Variants in SCG3 observed in about 807,000 individuals in gnomAD.
SCG3 encodes the protein secretogranin-3.
Under a neutral mutation model 56.2 loss-of-function variants are expected in SCG3, and 38 were observed. That is an observed-to-expected ratio of 0.68 (90% CI 0.52 to 0.89). The LOEUF (loss-of-function observed/expected upper bound fraction) is 0.89. Among genes scored for constraint, SCG3 ranks in the 40% least tolerant of loss-of-function variants. The pLI is 0.00. For missense variants in SCG3, 524 were observed against 540.7 expected, an observed-to-expected ratio of 0.97 and a Z score of 0.31; for synonymous variants, 176 against 184.2, an observed-to-expected ratio of 0.96 and a Z score of 0.36.
intron 10 of SCG3, among the ~76,000 whole-genome samples, chr15:51,701,837 T>C (rs563891086): frequency 1.8e-4 from 27 of 151,896 alleles, no homozygotes; most frequent in Non-Finnish European, 3.2e-4. Context: ...GTTCAGGACG[T>C]GGAGGCTGCC....
intron 7 of SCG3, among the ~76,000 whole-genome samples, chr15:51,695,269 T>C (rs1178468149): frequency 6.6e-6 from 1 of 152,178 alleles, no homozygotes; most frequent in Admixed American, 6.5e-5. Flanking sequence ...TATTTTCAAT[T>C]AAGAAAATTA....
intron 3 of SCG3, 36 bp from the exon 4 acceptor site, chr15:51,683,183 A>G: frequency 6.2e-7 from 1 of 1,603,886 alleles, no homozygotes; most frequent in South Asian, 1.1e-5. Flanking sequence ...AATCTGAACT[A>G]AAATGGCTGT....
Position 51,699,420 on chromosome 15 carries a change from T to A in SCG3, c.1069+18T>A. The A allele has an allele frequency of 6.7e-7, 1 of 1,484,252 alleles. No homozygotes were observed. The allele number at this position is 1,484,252 out of a possible 1,614,324, so 91.9% of individuals were successfully genotyped here. A position where few individuals can be genotyped will look rare whatever the true frequency, so the allele number is the denominator to read the frequency against. ...TTTCCCAGGTATGATTATTTAACTA[T>A]TTTTTTAGCCTTTAGAATAATAACC... On this transcript the variant is annotated intron_variant, in intron 9 of 11. Coordinates refer to ENST00000220478, the MANE Select transcript of SCG3 (RefSeq NM_013243.4).
At chr15:51,690,536 T>A (rs1199547712) in intron 6 of SCG3, among the ~76,000 whole-genome samples, 6 of 151,704 alleles carry the variant, frequency 4.0e-5, no homozygotes, top group African/African-American at 1.4e-4. Flanking sequence ...TTTTTTTTTT[T>A]ACTGGATAGC....
intron 10 of SCG3, among the ~76,000 whole-genome samples, chr15:51,702,447 G>T (rs1567220403): frequency 2.0e-5 from 3 of 152,014 alleles, no homozygotes; most frequent in Admixed American, 6.6e-5. Context: ...CATAGAGATG[G>T]GGTTTCATCA....
At chr15:51,707,745 TTATGCAGAA>T (rs2055385288) in intron 10 of SCG3, among the ~76,000 whole-genome samples, 1 of 152,236 alleles carries the variant, frequency 6.6e-6, no homozygotes, top group Non-Finnish European at 1.5e-5. Flanking sequence ...AATGTCATCA[TTATGCAGAA>T]TCTTGAATCT....
At chr15:51,700,016 T>C (rs867014816) in intron 9 of SCG3, among the ~76,000 whole-genome samples, 73 of 152,304 alleles carry the variant, frequency 4.8e-4, no homozygotes, top group African/African-American at 1.7e-3. Context: ...TTTTTTAAAT[T>C]TGTTTAGCTA....
intron 8 of SCG3, among the ~76,000 whole-genome samples, chr15:51,696,744 G>T (rs937489832): frequency 5.3e-5 from 8 of 152,066 alleles, no homozygotes; most frequent in African/African-American, 1.9e-4. Context: ...GGTGCCACAC[G>T]CTTTTAAACA....
chr15:51,690,643 T>C (rs1341761565), intron 6 of SCG3, among the ~76,000 whole-genome samples: 2 of 86,110 alleles, frequency 2.3e-5, no homozygotes, highest in African/African-American at 4.9e-5. Context: ...AAAAAAGTTC[T>C]AGATTTATCA....
intron 10 of SCG3, among the ~76,000 whole-genome samples, chr15:51,709,935 A>G (rs1394921611): frequency 8.2e-6 from 1 of 122,144 alleles, no homozygotes; most frequent in Non-Finnish European, 1.6e-5. Context: ...ACGGGGTTTC[A>G]CCATGTTAGC....
Position 51,681,768 on chromosome 15 carries a change from G to C in SCG3, c.13G>C (p.Gly5Arg), listed in dbSNP as rs903703713. Residue 5 changes from glycine to arginine, a missense_variant, in exon 1 of 12, where the codon GGG becomes CGG. Physicochemically the swap from Gly to Arg is moderately radical, Grantham distance 125. Coordinates refer to ENST00000220478, the MANE Select transcript of SCG3 (RefSeq NM_013243.4). MGFL[G>R]TGTWILVLVL... ...CGAGCGTGGAAGAATGGGGTTCCTC[G>C]GGACCGGCACTTGGATTCTGGTGTT... 2 of 1,613,892 alleles carry C rather than the reference G, an allele frequency of 1.2e-6. No homozygotes were observed. Among genetic ancestry groups the C allele is most frequent in the African/African-American group, 1.3e-5 (1 of 74,916 alleles).
chr15:51,695,740 C>T, intron 7 of SCG3, 135 bp from the exon 8 acceptor site: 1 of 603,548 alleles, frequency 1.7e-6, no homozygotes, highest in South Asian at 2.0e-5. Context: ...CAGCCTGGGC[C>T]ACACAGTGAG....
Position 51,683,059 on chromosome 15 carries a change from A to T in SCG3, c.136-20A>T. ...GGAGCAATGATTTTAAACCAAGTCTATCTCCTGTTTGCTTCACAGATTGCT... is the reference window on the plus strand; with the variant it reads ...GGAGCAATGATTTTAAACCAAGTCTTTCTCCTGTTTGCTTCACAGATTGCT... On this transcript the variant is annotated intron_variant, in intron 2 of 11. Transcript: ENST00000220478. The T allele has an allele frequency of 6.2e-7, 1 of 1,600,928 alleles. No homozygotes were observed. Among genetic ancestry groups the T allele is most frequent in the Non-Finnish European group, 8.5e-7 (1 of 1,174,218 alleles).
intron 10 of SCG3, among the ~76,000 whole-genome samples, chr15:51,711,453 C>T (rs996596949): frequency 6.6e-6 from 1 of 152,192 alleles, no homozygotes; most frequent in Non-Finnish European, 1.5e-5. Flanking sequence ...GCCCTAACTA[C>T]CTAATGAGTG....
Position 51,683,105 on chromosome 15 carries a change from T to A in SCG3, c.162T>A (p.Ile54=). Reference sequence around the variant, plus strand: ...TTGCTGAAGCAGAAGAAGACAAGATTAAAAAAACATATCCTCCAGGTAAAA... The same window carrying A: ...TTGCTGAAGCAGAAGAAGACAAGATAAAAAAAACATATCCTCCAGGTAAAA... ...EQIAEAEEDK[I]KKTYPPENKP... is the part of the protein sequence containing the mutation. Residue 54 remains isoleucine (I), a synonymous_variant, in exon 3 of 12, where the codon ATT becomes ATA. Transcript: ENST00000220478. 5 of 1,609,706 alleles carry A rather than the reference T, an allele frequency of 3.1e-6. No homozygotes were observed. Among genetic ancestry groups the A allele is most frequent in the Non-Finnish European group, 4.2e-6 (5 of 1,178,322 alleles).
intron 7 of SCG3, 58 bp from the exon 8 acceptor site, chr15:51,695,816 TG>T (rs2055299527): frequency 1.1e-6 from 1 of 917,380 alleles, no homozygotes; most frequent in African/African-American, 1.7e-5. Context: ...CTTTATAAAT[TG>T]ACATTGAAAG....
chr15:51,704,244 C>CATACATATATATATATATATATAT (rs751546589), intron 10 of SCG3, among the ~76,000 whole-genome samples: 19 of 73,612 alleles, frequency 2.6e-4, no homozygotes, highest in East Asian at 1.0e-3. Context: ...TACATACATA[C>CATACATATATATATATATATATAT]ATATATATAT....
intron 11 of SCG3, among the ~76,000 whole-genome samples, chr15:51,718,642 T>G (rs2055475030): frequency 8.9e-6 from 1 of 112,480 alleles, no homozygotes; most frequent in African/African-American, 3.4e-5. Flanking sequence ...AAAATGGGGG[T>G]TTTTAAAAGG....
chr15:51,707,272 T>TA (rs1199911061), intron 10 of SCG3, among the ~76,000 whole-genome samples: 1 of 152,202 alleles, frequency 6.6e-6, no homozygotes, highest in Non-Finnish European at 1.5e-5. Context: ...ATCATCCTCA[T>TA]ATCTTTTTTA....
Sources: gnomAD v4.1 joint callset for allele counts (sites outside exome capture counted in the v4.1 genomes callset) on GRCh38, gnomAD v4.1.1 for gene constraint, MANE v1.5 for transcripts, NCBI Gene and HGNC (gene_info 2026-07-23, HGNC 2026-07-21) for gene names.